Variants in PAX5 observed in about 807,000 individuals in gnomAD.
PAX5 encodes paired box protein Pax-5.
Under a neutral mutation model 43.7 loss-of-function variants are expected in PAX5, and 9 were observed. The observed-to-expected ratio is 0.21, with a 90% CI of 0.12 to 0.36. PAX5 has a LOEUF of 0.36. Among genes scored for constraint, PAX5 ranks in the 10% least tolerant of loss-of-function variants. The probability of loss-of-function intolerance (pLI) is 1.00; values close to 1 mark genes in which losing one functional copy is unlikely to be tolerated. For missense variants in PAX5, 383 were observed against 532.7 expected, an observed-to-expected ratio of 0.72 and a Z score of 2.77; for synonymous variants, 228 against 214.3, an observed-to-expected ratio of 1.06 and a Z score of -0.56.
chr9:36,944,291 C>G (rs888698654), intron 6 of PAX5, among the ~76,000 whole-genome samples: 4 of 152,188 alleles, frequency 2.6e-5, no homozygotes, highest in Non-Finnish European at 4.4e-5. Flanking sequence ...CTCATTGAAA[C>G]CTCTAACAGC....
At chr9:36,922,217 G>A (rs537396451) in intron 7 of PAX5, among the ~76,000 whole-genome samples, 5 of 152,278 alleles carry the variant, frequency 3.3e-5, no homozygotes, top group Non-Finnish European at 4.4e-5. Flanking sequence ...CCCCTCCACT[G>A]TTCTAATCCG....
intron 5 of PAX5, among the ~76,000 whole-genome samples, chr9:36,988,639 G>A (rs1026030402): frequency 7.0e-6 from 1 of 143,756 alleles, no homozygotes; most frequent in Non-Finnish European, 1.5e-5. Context: ...CTCCAGCCTG[G>A]GCAACAGAGT....
chr9:36,905,004 T>A (rs1828703279), intron 7 of PAX5, among the ~76,000 whole-genome samples: 1 of 152,122 alleles, frequency 6.6e-6, no homozygotes, highest in Non-Finnish European at 1.5e-5. Context: ...GGCATAATGG[T>A]GGGCTGATCA....
intron 6 of PAX5, among the ~76,000 whole-genome samples, chr9:36,955,774 A>ATATAT (rs1203314592): frequency 1.8e-5 from 1 of 55,126 alleles, no homozygotes; most frequent in African/African-American, 4.5e-5. Flanking sequence ...TTGTTTCAAA[A>ATATAT]AAAAAAAAAT....
At chr9:37,011,362 C>T (rs1838916516) in intron 3 of PAX5, among the ~76,000 whole-genome samples, 1 of 152,126 alleles carries the variant, frequency 6.6e-6, no homozygotes. Context: ...CTTGAAAAAT[C>T]AGAACACCCA....
chr9:36,979,035 A>C (rs1835689668), intron 5 of PAX5, among the ~76,000 whole-genome samples: 1 of 152,248 alleles, frequency 6.6e-6, no homozygotes, highest in South Asian at 2.1e-4. Flanking sequence ...GGCCTGAGTT[A>C]ATCTCACTGT....
At chr9:36,875,287 T>C (rs924712192) in intron 8 of PAX5, among the ~76,000 whole-genome samples, 8 of 152,262 alleles carry the variant, frequency 5.3e-5, no homozygotes, top group African/African-American at 1.9e-4. Flanking sequence ...TTTCAGCTAC[T>C]GTGTCCTGAG....
chr9:36,990,514 A>AAT (rs1403070741), intron 5 of PAX5, among the ~76,000 whole-genome samples: 50 of 152,386 alleles, frequency 3.3e-4, no homozygotes, highest in African/African-American at 1.2e-3. Flanking sequence ...GTCATTGATC[A>AAT]GAATTTTCTT....
At position 36,884,484 on chromosome 9, in the gene PAX5, C is replaced by T. The variant is rs997833112; in HGVS notation, c.911-2379G>A. 5.6e-4 allele frequency among the ~76,000 whole-genome samples: 85 copies of T among 152,110 alleles called. 1 individual carries two copies. Among genetic ancestry groups the T allele is most frequent in the African/African-American group, 1.9e-3 (79 of 41,410 alleles). On this transcript the variant is annotated intron_variant, in intron 7 of 9. Transcript: ENST00000358127. ...AGTAAATAAGAATTGAAGTATACTT[C>T]CTTGTTCTTATATTGATACTAAATC...
At chr9:37,005,493 C>A (rs1246943498) in intron 4 of PAX5, among the ~76,000 whole-genome samples, 2 of 152,228 alleles carry the variant, frequency 1.3e-5, no homozygotes, top group Non-Finnish European at 2.9e-5. Flanking sequence ...TGCCCCTCCA[C>A]CCACAAATGA....
At chr9:36,880,797 C>T (rs546980507) in intron 8 of PAX5, among the ~76,000 whole-genome samples, 4 of 152,342 alleles carry the variant, frequency 2.6e-5, no homozygotes, top group East Asian at 3.9e-4. Flanking sequence ...AGGCTGGTCT[C>T]GAACTCCTGG....
At position 37,014,983 on chromosome 9, in the gene PAX5, C is replaced by T. The variant is rs1218332496; in HGVS notation, c.410+14G>A. On this transcript the variant is annotated intron_variant, in intron 3 of 9. Transcript: ENST00000358127. ...CCTCCAAATCCCCAACCCCCACAGGCACGAGCCCCTCACCTGTTGATGGAA... is the reference window on the plus strand; with the variant it reads ...CCTCCAAATCCCCAACCCCCACAGGTACGAGCCCCTCACCTGTTGATGGAA... The T allele has an allele frequency of 6.2e-7, 1 of 1,609,778 alleles. No individual in the cohort carries two copies. The highest frequency in any genetic ancestry group is 1.3e-5 in the African/African-American group (1 of 74,856).
At chr9:36,875,806 C>T (rs1304063732) in intron 8 of PAX5, among the ~76,000 whole-genome samples, 1 of 152,112 alleles carries the variant, frequency 6.6e-6, no homozygotes, top group Non-Finnish European at 1.5e-5. Context: ...CAAGGAATGC[C>T]GGCAGCAGCA....
chr9:36,986,143 C>G (rs1484531917), intron 5 of PAX5, among the ~76,000 whole-genome samples: 4 of 151,792 alleles, frequency 2.6e-5, no homozygotes. Context: ...CCGGCTGCCG[C>G]CGCGCCCGCG....
intron 8 of PAX5, among the ~76,000 whole-genome samples, chr9:36,875,506 G>A (rs1220847451): frequency 6.6e-6 from 1 of 152,104 alleles, no homozygotes; most frequent in African/African-American, 2.4e-5. Flanking sequence ...GAATGATAGG[G>A]GGTCCTGGTT....
At chr9:36,989,347 A>G (rs1386367915) in intron 5 of PAX5, among the ~76,000 whole-genome samples, 4 of 148,832 alleles carry the variant, frequency 2.7e-5, no homozygotes, top group Admixed American at 2.1e-4. Context: ...GTAAGCACCT[A>G]GGTACTAGTC....
At chr9:36,988,662 CAAA>C (rs139552622) in intron 5 of PAX5, among the ~76,000 whole-genome samples, 1,083 of 103,272 alleles carry the variant, frequency 0.01, 4 homozygotes, top group African/African-American at 0.037. Context: ...GACCCTGTCT[CAAA>C]AAAAAAAAAA....
chr9:36,944,235 C>CACATGGGGCACGCTCATGTCA (rs1832314968), intron 6 of PAX5, among the ~76,000 whole-genome samples: 1 of 152,150 alleles, frequency 6.6e-6, no homozygotes, highest in African/African-American at 2.4e-5. Flanking sequence ...CAACAACAAA[C>CACATGGGGCACGCTCATGTCA]ACATGGGGCA....
At chr9:36,962,439 A>C (rs547941421) in intron 6 of PAX5, among the ~76,000 whole-genome samples, 56 of 152,322 alleles carry the variant, frequency 3.7e-4, no homozygotes, top group African/African-American at 1.2e-3. Context: ...TCTAGTCTAT[A>C]CAATGGGGCT....
Sources: allele counts gnomAD v4.1 joint callset (sites outside exome capture counted in the v4.1 genomes callset), GRCh38; gene constraint gnomAD v4.1.1; transcripts MANE v1.5; gene names NCBI Gene and HGNC (gene_info 2026-07-23, HGNC 2026-07-21).